Variants in DDX39B observed in about 807,000 individuals in gnomAD.
DDX39B encodes the protein DExD-box helicase 39B, also known as spliceosome RNA helicase DDX39B.
A neutral mutation model predicts 46.4 loss-of-function variants in DDX39B; 6 were observed. That is an observed-to-expected ratio of 0.13 (90% CI 0.07 to 0.26). The LOEUF (loss-of-function observed/expected upper bound fraction) is 0.26, where lower values mean the gene tolerates loss of function less well. Ranked by LOEUF, DDX39B falls within the 10% of genes least tolerant of loss-of-function variation. The probability of loss-of-function intolerance (pLI) is 1.00; values close to 1 mark genes in which losing one functional copy is unlikely to be tolerated. For missense variants in DDX39B, 185 were observed against 553.4 expected, an observed-to-expected ratio of 0.33 and a Z score of 6.68; for synonymous variants, 174 against 199.4, an observed-to-expected ratio of 0.87 and a Z score of 1.07.
chr6:31,541,417 T>C (rs1170457943), intron 1 of DDX39B: 1 of 371,192 alleles, frequency 2.7e-6, no homozygotes, highest in Admixed American at 3.7e-5. Context: ...ACATCACTGT[T>C]ACGCTACGAA....
intron 7 of DDX39B, 53 bp downstream of exon 7, chr6:31,532,727 T>C (rs557370399): frequency 1.9e-6 from 3 of 1,594,286 alleles, no homozygotes; most frequent in African/African-American, 2.7e-5. Flanking sequence ...TCCAGGTTTC[T>C]GCTACAGCTG....
chr6:31,541,886 A>G (rs1043238108), intron 1 of DDX39B, 64 bp downstream of exon 1: 29 of 634,110 alleles, frequency 4.6e-5, no homozygotes, highest in Non-Finnish European at 7.2e-5. Flanking sequence ...TCAGGAACCC[A>G]TGTGACGGGA....
At chr6:31,541,725 C>T (rs778043421) in intron 1 of DDX39B, 3 of 594,534 alleles carry the variant, frequency 5.0e-6, no homozygotes, top group South Asian at 4.6e-5. Context: ...AAAACGAACA[C>T]AATGGCGCCG....
chr6:31,539,291 G>T lies in DDX39B; in HGVS notation c.212-17C>A. On this transcript the variant is annotated splice_polypyrimidine_tract_variant and intron_variant, in intron 2 of 10. Coordinates refer to ENST00000396172, the MANE Select transcript of DDX39B (RefSeq NM_004640.7). ...CATGCTGGACTAAAAGTTGGGGGGG[G>T]AGGAAGATAAATTAGACTTCAGTCT... is the stretch of plus-strand genomic sequence containing the variant. 3.1e-6 allele frequency: 5 copies of T among 1,606,604 alleles called. No individual in the cohort carries two copies. Among genetic ancestry groups the T allele is most frequent in the Non-Finnish European group, 3.4e-6 (4 of 1,174,688 alleles).
chr6:31,540,657 C>A lies in DDX39B; in HGVS notation c.-125G>T. 1.2e-6 allele frequency: 1 copy of A among 848,976 alleles called. No homozygotes were observed. Among genetic ancestry groups the A allele is most frequent in the Non-Finnish European group, 1.8e-6 (1 of 565,182 alleles). 52.6% of individuals were successfully genotyped at this position (848,976 alleles called of 1,614,324 possible). ...AGGAAAACAAAGATACTATTTCTAA[C>A]AGAAGAGCTGGAGGGGGGAAAAAAA... On this transcript the variant is annotated 5_prime_UTR_variant, in exon 2 of 11. Coordinates refer to ENST00000396172, the MANE Select transcript of DDX39B (RefSeq NM_004640.7).
rs1462271309 is a variant in DDX39B, at chr6:31,538,850, A to G, written c.345T>C (p.Ser115=). 1.2e-6 allele frequency: 2 copies of G among 1,613,874 alleles called. No individual in the cohort carries two copies. Among genetic ancestry groups the G allele is most frequent in the African/African-American group, 2.7e-5 (2 of 74,930 alleles). Reference sequence around the variant, plus strand: ...CCCGAGTGTGACACATCACCAGTACAGACACCTTAGGCAGGAAGTAGACGG... The same window carrying G: ...CCCGAGTGTGACACATCACCAGTACGGACACCTTAGGCAGGAAGTAGACGG... The part of the protein sequence containing the change: ...QQLEPVTGQV[S]VLVMCHTREL... Residue 115 remains serine (S), a synonymous_variant, in exon 4 of 11, where the codon TCT becomes TCC. Transcript: ENST00000396172.
At chr6:31,539,025 T>C (rs752559880) in intron 3 of DDX39B, 122 bp downstream of exon 3, 3 of 1,559,928 alleles carry the variant, frequency 1.9e-6, no homozygotes, top group African/African-American at 1.4e-5. Flanking sequence ...AGCTGTCAGG[T>C]TGTCAAGGGT....
intron 3 of DDX39B, 72 bp from the exon 4 acceptor site, chr6:31,538,927 C>G: frequency 6.6e-7 from 1 of 1,515,524 alleles, no homozygotes; most frequent in Non-Finnish European, 9.2e-7. Context: ...AAGTGACTGT[C>G]ACAAAAACAC....
At position 31,534,718 on chromosome 6, in the gene DDX39B, G is replaced by A; in HGVS notation, c.735+649C>T. Reference sequence around the variant, plus strand: ...CCGCTGCCGCCATCCACCGCTGGGTGCCGTCTGCATTCCCTCGCCGCGCCA... The same window carrying A: ...CCGCTGCCGCCATCCACCGCTGGGTACCGTCTGCATTCCCTCGCCGCGCCA... On this transcript the variant is annotated intron_variant, in intron 6 of 10. Coordinates refer to ENST00000396172, the MANE Select transcript of DDX39B (RefSeq NM_004640.7). This position sits in a 1 kb window ranked among gnomAD's most constrained non-coding sequence, Gnocchi z 5.1. The A allele has an allele frequency of 2.8e-6, 1 of 352,466 alleles. No homozygotes were observed. Among genetic ancestry groups the A allele is most frequent in the South Asian group, 2.2e-5 (1 of 45,074 alleles). 21.8% of individuals were successfully genotyped at this position (352,466 alleles called of 1,614,324 possible).
chr6:31,537,882 A>AG (rs1410082402), intron 4 of DDX39B, among the ~76,000 whole-genome samples: 1 of 152,012 alleles, frequency 6.6e-6, no homozygotes, highest in Non-Finnish European at 1.5e-5. Context: ...CTAAAAAAAA[A>AG]CAAAAATTAG....
chr6:31,539,128 G>A lies in DDX39B; in HGVS notation c.339+19C>T, dbSNP rs1331880199. 13 of 1,613,010 alleles carry A rather than the reference G, an allele frequency of 8.1e-6. No homozygotes were observed. The South Asian group carries it at 1.3e-4, about 16-fold the overall frequency. ...AGTCCTAACCAAAATCCCCTCCCCA[G>A]CACTCTCCCCAAATATACCTGCCCA... is the stretch of plus-strand genomic sequence containing the variant. On this transcript the variant is annotated intron_variant, in intron 3 of 10. Transcript: ENST00000396172.
At chr6:31,537,667 A>G (rs541590782) in intron 4 of DDX39B, among the ~76,000 whole-genome samples, 1 of 152,274 alleles carries the variant, frequency 6.6e-6, no homozygotes, top group Admixed American at 6.5e-5. Flanking sequence ...ACCAGAAACT[A>G]CTTTCTGGTT....
At chr6:31,540,701 G>A (rs948494847) in intron 1 of DDX39B, 37 bp from the exon 2 acceptor site, 6 of 630,380 alleles carry the variant, frequency 9.5e-6, no homozygotes, top group African/African-American at 3.7e-5. Flanking sequence ...ACTTAATCAC[G>A]AGCACAGCCT....
Position 31,531,178 on chromosome 6 carries a change from A to T in DDX39B, c.997T>A (p.Phe333Ile). ...QEERLSRYQQ[F>I]KDFQRRILVA... Reference sequence around the variant, plus strand: ...AGAATTCGTCGTTGAAAATCTTTAAACTGCTGATACCGAGAAAGCCTTTGT... The same window carrying T: ...AGAATTCGTCGTTGAAAATCTTTAATCTGCTGATACCGAGAAAGCCTTTGT... Residue 333 changes from phenylalanine to isoleucine, a missense_variant, in exon 9 of 11, where the codon TTT (phenylalanine) becomes ATT (isoleucine). By Grantham distance (21) the Phe-to-Ile change is conservative. This residue lies in a region of DDX39B where 110 missense variants were observed against 282.2 expected (regional missense o/e 0.39). Transcript: ENST00000396172. This position sits in a 1 kb window ranked among gnomAD's most constrained non-coding sequence, Gnocchi z 5.8. 1 of 1,614,216 alleles carries T rather than the reference A, an allele frequency of 6.2e-7. No individual in the cohort carries two copies. The highest frequency in any genetic ancestry group is 8.5e-7 in the Non-Finnish European group (1 of 1,180,044).
At chr6:31,539,727 G>A (rs1432396273) in intron 2 of DDX39B, among the ~76,000 whole-genome samples, 1 of 152,184 alleles carries the variant, frequency 6.6e-6, no homozygotes, top group Non-Finnish European at 1.5e-5. Flanking sequence ...CTCTAAACCA[G>A]TCATAGAGGT....
intron 7 of DDX39B, 131 bp downstream of exon 7, chr6:31,532,649 A>C: frequency 8.1e-7 from 1 of 1,228,918 alleles, no homozygotes; most frequent in Non-Finnish European, 1.1e-6. Context: ...AGCCCCTAAG[A>C]TATTTATACC....
chr6:31,538,201 G>C (rs947793283), intron 4 of DDX39B, among the ~76,000 whole-genome samples: 1 of 151,944 alleles, frequency 6.6e-6, no homozygotes, highest in Non-Finnish European at 1.5e-5. Context: ...TGCCACCCAG[G>C]CTGGAGTGTA....
rs530856744 is a variant in DDX39B at position 31,533,285 on chromosome 6, G to C, written c.736-374C>G. 267 of 227,626 alleles carry C rather than the reference G, an allele frequency of 1.2e-3. 1 individual carries two copies. The highest frequency in any genetic ancestry group is 4.9e-3 in the African/African-American group (208 of 42,706). 14.1% of individuals were successfully genotyped at this position (227,626 alleles called of 1,614,324 possible). A position where few individuals can be genotyped will look rare whatever the true frequency, so the allele number is the denominator to read the frequency against. ...GGGAGAGCAAGGACCAAACATCTGG[G>C]AAATGATGGGAGGCAGTGACTCAAG... On this transcript the variant is annotated intron_variant, in intron 6 of 10. Transcript: ENST00000396172.
In DDX39B at chr6:31,534,382, C is replaced by T. The variant is rs780935330; in HGVS notation, c.735+985G>A. 10 of 430,482 alleles carry T rather than the reference C, an allele frequency of 2.3e-5. No individual in the cohort carries two copies. Among genetic ancestry groups the T allele is most frequent in the African/African-American group, 6.4e-5 (3 of 47,186 alleles). The allele number at this position is 430,482 out of a possible 1,614,324, so 26.7% of individuals were successfully genotyped here. On this transcript the variant is annotated intron_variant, in intron 6 of 10. Transcript: ENST00000396172. This position sits in a 1 kb window ranked among gnomAD's most constrained non-coding sequence, Gnocchi z 5.1. ...ATACAGCTAAAGAGTGATCATCCCA[C>T]GGGAAGGAACACTGCAGGGAGGGGA...
Sources: gnomAD v4.1 joint callset for allele counts (sites outside exome capture counted in the v4.1 genomes callset) on GRCh38, gnomAD v4.1.1 for gene constraint, gnomAD v4.1.1 regional missense constraint, Gnocchi (gnomAD v3.1) non-coding constraint, MANE v1.5 for transcripts, NCBI Gene and HGNC (gene_info 2026-07-23, HGNC 2026-07-21) for gene names.